Variants in SDC2 observed in about 807,000 individuals in gnomAD.
SDC2 encodes the protein syndecan 2.
Under a neutral mutation model 22.2 loss-of-function variants are expected in SDC2, and 13 were observed. The ratio of observed to expected loss-of-function variants is 0.59; its 90% confidence interval spans 0.38 to 0.93. The LOEUF is 0.93. Among genes scored for constraint, SDC2 ranks in the 40% least tolerant of loss-of-function variants. The probability of loss-of-function intolerance (pLI) is 0.00; values close to 1 mark genes in which losing one functional copy is unlikely to be tolerated. For synonymous variants in SDC2, 94 were observed against 92.8 expected (o/e 1.01, Z -0.07); for missense variants, 235 against 246.8 (o/e 0.95, Z 0.32).
At chr8:96,498,739 C>G (rs1467909404) in intron 1 of SDC2, among the ~76,000 whole-genome samples, 1 of 152,192 alleles carries the variant, frequency 6.6e-6, no homozygotes, top group Non-Finnish European at 1.5e-5. Flanking sequence ...GATCCACCGC[C>G]TCGGCCACCC....
rs560790084 is a variant in SDC2 at position 96,609,823 on chromosome 8, G to A, written c.*275G>A. 361 of 256,228 alleles carry A rather than the reference G, an allele frequency of 1.4e-3. No homozygotes were observed. Among genetic ancestry groups the A allele is most frequent in the South Asian group, 6.0e-3 (38 of 6,356 alleles). 15.9% of individuals were successfully genotyped at this position (256,228 alleles called of 1,614,324 possible). ...ATGGAATTGGTTTAAACTTTTATGCGCAAATACAAAATGATTGTCTTTTTC... is the reference window on the plus strand; with the variant it reads ...ATGGAATTGGTTTAAACTTTTATGCACAAATACAAAATGATTGTCTTTTTC... On this transcript the variant is annotated 3_prime_UTR_variant, in exon 5 of 5. Coordinates refer to ENST00000302190, the MANE Select transcript of SDC2 (RefSeq NM_002998.4).
At chr8:96,582,094 A>G (rs1300692193) in intron 1 of SDC2, among the ~76,000 whole-genome samples, 1 of 152,126 alleles carries the variant, frequency 6.6e-6, no homozygotes, top group African/African-American at 2.4e-5. Context: ...AATTTCATGC[A>G]TTTTCTGTGA....
At chr8:96,590,503 T>C (rs1427547725) in intron 1 of SDC2, among the ~76,000 whole-genome samples, 1 of 152,200 alleles carries the variant, frequency 6.6e-6, no homozygotes, top group Non-Finnish European at 1.5e-5. Context: ...AGGAGATGCT[T>C]GTCTCCTTGT....
At position 96,494,445 on chromosome 8, in the gene SDC2, A is replaced by G. The variant is rs1328444353; in HGVS notation, c.60+114A>G. On this transcript the variant is annotated intron_variant, in intron 1 of 4. Coordinates refer to ENST00000302190, the MANE Select transcript of SDC2 (RefSeq NM_002998.4). ...GGGAACCCCCAGTCCCCAAGTATACACCGGAGATCCGCTGGGACAAATGCG... is the reference window on the plus strand; with the variant it reads ...GGGAACCCCCAGTCCCCAAGTATACGCCGGAGATCCGCTGGGACAAATGCG... The G allele has an allele frequency of 3.5e-5, 32 of 927,414 alleles. 1 individual carries two copies. Among genetic ancestry groups the G allele is most frequent in the Middle Eastern group, 3.2e-4 (1 of 3,108 alleles). The allele number at this position is 927,414 out of a possible 1,614,324, so 57.4% of individuals were successfully genotyped here. A position where few individuals can be genotyped will look rare whatever the true frequency, so the allele number is the denominator to read the frequency against.
intron 1 of SDC2, among the ~76,000 whole-genome samples, chr8:96,513,111 C>T (rs948075399): frequency 6.6e-6 from 1 of 152,144 alleles, no homozygotes; most frequent in African/African-American, 2.4e-5. Flanking sequence ...AAGCATACTA[C>T]ATCCTGCTTT....
chr8:96,522,954 C>CAAAA (rs1183192951), intron 1 of SDC2, among the ~76,000 whole-genome samples: 2 of 152,116 alleles, frequency 1.3e-5, no homozygotes, highest in African/African-American at 2.4e-5. Context: ...GCTGCTTTTG[C>CAAAA]CTAGGGTTGG....
intron 1 of SDC2, 59 bp from the exon 2 acceptor site, chr8:96,593,421 T>C (rs890194143): frequency 8.9e-7 from 1 of 1,118,636 alleles, no homozygotes; most frequent in African/African-American, 1.5e-5. Context: ...AACAATCAGA[T>C]ATACAAGTGT....
At chr8:96,522,253 G>A (rs1813508025) in intron 1 of SDC2, among the ~76,000 whole-genome samples, 1 of 152,184 alleles carries the variant, frequency 6.6e-6, no homozygotes, top group Admixed American at 6.5e-5. Context: ...TTAGAGCTAT[G>A]CCTTGGGAAG....
chr8:96,496,473 G>A (rs1215539295), intron 1 of SDC2, among the ~76,000 whole-genome samples: 1 of 152,216 alleles, frequency 6.6e-6, no homozygotes, highest in Non-Finnish European at 1.5e-5. Context: ...CAGTGAGTCA[G>A]TCTTTCTAAA....
intron 1 of SDC2, among the ~76,000 whole-genome samples, chr8:96,573,877 C>T (rs1046313498): frequency 1.3e-5 from 2 of 152,040 alleles, no homozygotes; most frequent in Non-Finnish European, 2.9e-5. Context: ...TAATCTGACC[C>T]TCTTCTTAGT....
chr8:96,581,838 T>C lies in SDC2; in HGVS notation c.61-11642T>C, dbSNP rs1814595195. Among the ~76,000 whole-genome samples the C allele has an allele frequency of 2.0e-5, 3 of 152,086 alleles. No individual in the cohort carries two copies. In the South Asian group the frequency reaches 6.2e-4, roughly 32 times the overall value. On this transcript the variant is annotated intron_variant, in intron 1 of 4. Transcript: ENST00000302190. Reference sequence around the variant, plus strand: ...GTATTTGTCATTGGTGAAAAAAAAATTACTGTCCACAGGTTTCCTTTCCCT... The same window carrying C: ...GTATTTGTCATTGGTGAAAAAAAAACTACTGTCCACAGGTTTCCTTTCCCT...
At chr8:96,604,139 A>G (rs1257697765) in intron 3 of SDC2, among the ~76,000 whole-genome samples, 1 of 152,194 alleles carries the variant, frequency 6.6e-6, no homozygotes, top group African/African-American at 2.4e-5. Context: ...GCTTGAGGGA[A>G]GCAACTCTCC....
chr8:96,551,328 A>G (rs1314611180), intron 1 of SDC2, among the ~76,000 whole-genome samples: 2 of 152,208 alleles, frequency 1.3e-5, no homozygotes, highest in East Asian at 1.9e-4. Flanking sequence ...ACCTCTTTTC[A>G]GTAGGACAGT....
At position 96,590,458 on chromosome 8, in the gene SDC2, C is replaced by T. The variant is rs146580816; in HGVS notation, c.61-3022C>T. ...GACTACATTTCGCCAGGTGTAAAAT[C>T]GGTAGTTTCGAATTCACCCCTTTTC... On this transcript the variant is annotated intron_variant, in intron 1 of 4. Coordinates refer to ENST00000302190, the MANE Select transcript of SDC2 (RefSeq NM_002998.4). Among the ~76,000 whole-genome samples, 208 of 152,214 alleles carry T rather than the reference C, an allele frequency of 1.4e-3. 5 individuals carry two copies. The East Asian group carries it at 0.03, about 22-fold the overall frequency.
chr8:96,522,472 C>T (rs569211207), intron 1 of SDC2, among the ~76,000 whole-genome samples: 5 of 151,804 alleles, frequency 3.3e-5, no homozygotes, highest in East Asian at 1.9e-4. Context: ...TTGGCTACTT[C>T]GGAAAAAGAA....
At chr8:96,545,670 C>T (rs1252453238) in intron 1 of SDC2, among the ~76,000 whole-genome samples, 2 of 152,160 alleles carry the variant, frequency 1.3e-5, no homozygotes, top group African/African-American at 4.8e-5. Context: ...AGAAGTGTAC[C>T]ATGGGCTTGT....
chr8:96,522,941 C>A (rs1376699864), intron 1 of SDC2, among the ~76,000 whole-genome samples: 1 of 152,130 alleles, frequency 6.6e-6, no homozygotes, highest in African/African-American at 2.4e-5. Context: ...GTATTTCCCA[C>A]CTGCTGCTTT....
At chr8:96,565,084 A>ATTTTTTTTT (rs11304418) in intron 1 of SDC2, among the ~76,000 whole-genome samples, 1,302 of 67,678 alleles carry the variant, frequency 0.019, 130 homozygotes, top group African/African-American at 0.061. Flanking sequence ...CCTAAATTTG[A>ATTTTTTTTT]TTTTTTTTTT....
intron 3 of SDC2, 65 bp downstream of exon 3, chr8:96,602,593 T>C (rs1815009750): frequency 4.2e-5 from 64 of 1,533,546 alleles, no homozygotes; most frequent in Non-Finnish European, 5.6e-5. Flanking sequence ...TTACTGACTG[T>C]ACACAACAGT....
Sources: allele counts gnomAD v4.1 joint callset (sites outside exome capture counted in the v4.1 genomes callset), GRCh38; gene constraint gnomAD v4.1.1; transcripts MANE v1.5; gene names NCBI Gene and HGNC (gene_info 2026-07-23, HGNC 2026-07-21).